The following MBD5 variants were observed in gnomAD, a reference collection of about 807,000 sequenced individuals.
MBD5 encodes methyl-CpG binding domain protein 5, also known as methyl-CpG-binding domain protein 5.
Under a neutral mutation model 117.3 loss-of-function variants are expected in MBD5, and 13 were observed. That is an observed-to-expected ratio of 0.11 (90% confidence interval 0.07 to 0.18). The LOEUF is 0.18. MBD5 is among the 10% of genes least tolerant of loss of function. The pLI is 1.00. For synonymous variants in MBD5, 727 were observed against 766.4 expected (o/e 0.95, Z 0.85); for missense variants, 1,879 against 2,093.8 (o/e 0.90, Z 2.00).
chr2:148,071,921 G>A (rs1695368138), intron 1 of MBD5: 1 of 152,182 alleles, frequency 6.6e-6, no homozygotes, highest in African/African-American at 2.4e-5. Context: ...AATGTTCATT[G>A]TGAATCATAA....
At chr2:148,151,749 C>G (rs986129238) in intron 1 of MBD5, among the ~76,000 whole-genome samples, 4 of 152,110 alleles carry the variant, frequency 2.6e-5, no homozygotes, top group African/African-American at 9.7e-5. Flanking sequence ...GTAGTATTCT[C>G]TGATGGTAGT....
intron 3 of MBD5, among the ~76,000 whole-genome samples, chr2:148,239,595 G>A (rs535936998): frequency 1.4e-4 from 21 of 151,302 alleles, no homozygotes; most frequent in Middle Eastern, 3.4e-3. Context: ...TATGAGTAAC[G>A]TTTATTGATA....
At chr2:148,229,303 T>A (rs1574164863) in intron 2 of MBD5, among the ~76,000 whole-genome samples, 1 of 152,130 alleles carries the variant, frequency 6.6e-6, no homozygotes, top group African/African-American at 2.4e-5. Context: ...AATATGGCAG[T>A]TGCATTTTTC....
At chr2:148,425,350 C>T (rs1168552012) in intron 4 of MBD5, among the ~76,000 whole-genome samples, 1 of 152,110 alleles carries the variant, frequency 6.6e-6, no homozygotes, top group Non-Finnish European at 1.5e-5. Context: ...AAGTCGAATC[C>T]CTGAATAGAC....
At chr2:148,303,617 A>C (rs1470889615) in intron 3 of MBD5, among the ~76,000 whole-genome samples, 2 of 152,246 alleles carry the variant, frequency 1.3e-5, no homozygotes, top group Non-Finnish European at 2.9e-5. Context: ...TTCTTTGTCT[A>C]AAGTAAAATT....
At chr2:148,116,506 G>A (rs188685547) in intron 1 of MBD5, among the ~76,000 whole-genome samples, 1 of 152,158 alleles carries the variant, frequency 6.6e-6, no homozygotes, top group Non-Finnish European at 1.5e-5. Context: ...GATTAACTGA[G>A]CTTAAAAATA....
chr2:148,402,787 T>G (rs1328718157), intron 4 of MBD5, among the ~76,000 whole-genome samples: 1 of 152,220 alleles, frequency 6.6e-6, no homozygotes, highest in East Asian at 1.9e-4. Context: ...ATTTGGGTGT[T>G]TTTTGTTTTG....
intron 1 of MBD5, among the ~76,000 whole-genome samples, chr2:148,083,838 G>C (rs900459346): frequency 4.6e-5 from 7 of 152,100 alleles, no homozygotes; most frequent in African/African-American, 1.7e-4. Context: ...ATGTTGCTGA[G>C]AATGCTGTCG....
Position 148,458,643 on chromosome 2 carries a change from A to G in MBD5, c.-116A>G, listed in dbSNP as rs2105535891. 2.4e-6 allele frequency: 2 copies of G among 848,812 alleles called. No individual in the cohort carries two copies. The highest frequency in any genetic ancestry group is 2.9e-4 in the Middle Eastern group (1 of 3,402). 52.6% of individuals were successfully genotyped at this position (848,812 alleles called of 1,614,324 possible). On this transcript the variant is annotated 5_prime_UTR_variant, in exon 5 of 14. Transcript: ENST00000642680. The stretch of plus-strand genomic sequence containing the variant: ...GCTGAAGCTTCCCAATGCGTTTTGT[A>G]CAGTCTGGGAAAAACTGTGCTGCAC...
intron 11 of MBD5, among the ~76,000 whole-genome samples, chr2:148,495,995 C>G (rs1228673392): frequency 1.3e-5 from 2 of 152,186 alleles, no homozygotes; most frequent in African/African-American, 4.8e-5. Flanking sequence ...CTGTGATGTT[C>G]AGACATTTTA....
At chr2:148,098,312 A>G (rs2105277570) in intron 1 of MBD5, among the ~76,000 whole-genome samples, 1 of 152,342 alleles carries the variant, frequency 6.6e-6, no homozygotes, top group South Asian at 2.1e-4. Context: ...GATTGGCAGT[A>G]GCGGAAAGGG....
intron 4 of MBD5, among the ~76,000 whole-genome samples, chr2:148,384,259 A>G (rs1704265193): frequency 6.6e-6 from 1 of 152,230 alleles, no homozygotes; most frequent in South Asian, 2.1e-4. Flanking sequence ...CAAATTCAGC[A>G]AAGTCTCAGG....
chr2:148,390,379 C>T (rs1401393807), intron 4 of MBD5, among the ~76,000 whole-genome samples: 1 of 151,298 alleles, frequency 6.6e-6, no homozygotes, highest in Non-Finnish European at 1.5e-5. Context: ...TATGCAGTCA[C>T]TTTAGGGGTT....
intron 3 of MBD5, chr2:148,243,883 G>A (rs1223881922): frequency 1.3e-5 from 2 of 151,818 alleles, no homozygotes; most frequent in African/African-American, 2.4e-5. Flanking sequence ...CTTTCAGACT[G>A]TACTTCTTAG....
At chr2:148,287,883 G>GT (rs1559006344) in intron 3 of MBD5, among the ~76,000 whole-genome samples, 1 of 152,082 alleles carries the variant, frequency 6.6e-6, no homozygotes, top group African/African-American at 2.4e-5. Flanking sequence ...AGTTCTCAAC[G>GT]TTGTTGCTTT....
intron 1 of MBD5, among the ~76,000 whole-genome samples, chr2:148,078,296 G>C (rs2105136163): frequency 6.6e-6 from 1 of 152,122 alleles, no homozygotes; most frequent in Middle Eastern, 3.4e-3. Flanking sequence ...CCTGGCTCAG[G>C]TCTGTGACTC....
chr2:148,404,956 A>G (rs538588463), intron 4 of MBD5, among the ~76,000 whole-genome samples: 2 of 151,990 alleles, frequency 1.3e-5, no homozygotes, highest in Non-Finnish European at 2.9e-5. Context: ...AGTCTTTTCC[A>G]TACTATTCTT....
chr2:148,467,613 T>A (rs910151836), intron 7 of MBD5, among the ~76,000 whole-genome samples: 2 of 152,150 alleles, frequency 1.3e-5, no homozygotes, highest in Admixed American at 6.5e-5. Context: ...TAATGACTAA[T>A]TAAGGGCAAA....
rs544914670 is a variant in MBD5 at position 148,100,333 on chromosome 2, G to A, written c.-924-78367G>A. On this transcript the variant is annotated intron_variant, in intron 1 of 13. Coordinates refer to ENST00000642680, the MANE Select transcript of MBD5 (RefSeq NM_001378120.1). ...CTAACTCAGTTATCAGGTATACTCA[G>A]ATTTTCCTATAAGTTCAAACCTCTA... Among the ~76,000 whole-genome samples the A allele has an allele frequency of 2.6e-5, 4 of 152,274 alleles. No homozygotes were observed. In the East Asian group the frequency reaches 7.7e-4, roughly 29 times the overall value.
Sources: gnomAD v4.1 joint callset for allele counts (sites outside exome capture counted in the v4.1 genomes callset) on GRCh38, gnomAD v4.1.1 for gene constraint, MANE v1.5 for transcripts, NCBI Gene and HGNC (gene_info 2026-07-23, HGNC 2026-07-21) for gene names.